Variants in EBF2 observed in about 807,000 individuals in gnomAD.
EBF2 encodes the protein EBF transcription factor 2, also known as transcription factor COE2.
A neutral mutation model predicts 72.8 loss-of-function variants in EBF2; 21 were observed. That is an observed-to-expected ratio of 0.29 (90% CI 0.20 to 0.42). The LOEUF (loss-of-function observed/expected upper bound fraction) is 0.42, where lower values mean the gene tolerates loss of function less well. Among genes scored for constraint, EBF2 ranks in the 10% least tolerant of loss-of-function variants. EBF2 has a pLI of 1.00. For missense variants in EBF2, 637 were observed against 731.2 expected (o/e 0.87, Z 1.49); for synonymous variants, 299 against 274.2 (o/e 1.09, Z -0.89).
intron 6 of EBF2, among the ~76,000 whole-genome samples, chr8:25,941,717 C>T (rs1174303234): frequency 6.6e-6 from 1 of 152,156 alleles, no homozygotes; most frequent in East Asian, 1.9e-4. Flanking sequence ...AGTCCTGGAC[C>T]ACTGGCTGCT....
intron 6 of EBF2, among the ~76,000 whole-genome samples, chr8:25,936,024 G>T (rs1043572254): frequency 4.6e-5 from 7 of 152,154 alleles, no homozygotes; most frequent in Admixed American, 1.3e-4. Flanking sequence ...AAACTTCTGC[G>T]CATTAGGAGC....
chr8:25,862,894 A>C (rs1289694398), intron 10 of EBF2, 97 bp from the exon 11 acceptor site: 16 of 740,870 alleles, frequency 2.2e-5, no homozygotes, highest in Non-Finnish European at 2.8e-5. Context: ...TTCTGGATGC[A>C]TAATGGATGT....
chr8:25,998,570 G>C (rs1190258265), intron 6 of EBF2, among the ~76,000 whole-genome samples: 1 of 152,164 alleles, frequency 6.6e-6, no homozygotes, highest in African/African-American at 2.4e-5. Flanking sequence ...CAGTGGTGAC[G>C]TTCTGCTTTC....
intron 8 of EBF2, 32 bp downstream of exon 8, chr8:25,889,718 ATG>A: frequency 6.6e-7 from 1 of 1,517,892 alleles, no homozygotes. Flanking sequence ...GGAGAATTTC[ATG>A]TGTCTGCTAT....
At chr8:25,865,636 A>T (rs7011125) in intron 10 of EBF2, among the ~76,000 whole-genome samples, 3,709 of 151,896 alleles carry the variant, frequency 0.024, 154 homozygotes, top group African/African-American at 0.084. Flanking sequence ...CCTGTTGCCC[A>T]GGCTGGTCTC....
intron 6 of EBF2, among the ~76,000 whole-genome samples, chr8:25,936,245 T>A (rs185329906): frequency 1.3e-5 from 2 of 152,256 alleles, no homozygotes; most frequent in Non-Finnish European, 2.9e-5. Context: ...TTGCTGAATT[T>A]ATCTTTGGCT....
chr8:26,018,068 A>G (rs1805141295), intron 6 of EBF2, among the ~76,000 whole-genome samples: 1 of 152,094 alleles, frequency 6.6e-6, no homozygotes, highest in Non-Finnish European at 1.5e-5. Flanking sequence ...CAAAGATTCA[A>G]ACAAGGATCC....
intron 10 of EBF2, among the ~76,000 whole-genome samples, chr8:25,872,883 T>A (rs1802464048): frequency 6.6e-6 from 1 of 152,168 alleles, no homozygotes; most frequent in Non-Finnish European, 1.5e-5. Context: ...CAATCTGGCT[T>A]TGGGAGGAAT....
intron 6 of EBF2, among the ~76,000 whole-genome samples, chr8:25,939,953 T>A (rs1803642300): frequency 6.6e-6 from 1 of 152,142 alleles, no homozygotes; most frequent in South Asian, 2.1e-4. Context: ...GATTTCCCCA[T>A]CATGATAAAG....
intron 6 of EBF2, among the ~76,000 whole-genome samples, chr8:25,984,982 G>A (rs993264738): frequency 6.6e-6 from 1 of 151,824 alleles, no homozygotes; most frequent in Non-Finnish European, 1.5e-5. Flanking sequence ...AAAGGAAAAG[G>A]TATCTTTCTT....
chr8:26,016,331 A>G (rs1018844438), intron 6 of EBF2, among the ~76,000 whole-genome samples: 5 of 152,254 alleles, frequency 3.3e-5, no homozygotes, highest in Non-Finnish European at 7.3e-5. Context: ...AGATATCAGC[A>G]AAGTTAATTC....
intron 6 of EBF2, among the ~76,000 whole-genome samples, chr8:25,964,300 A>C (rs900359753): frequency 6.6e-6 from 1 of 152,206 alleles, no homozygotes; most frequent in Non-Finnish European, 1.5e-5. Flanking sequence ...ATCATATCTA[A>C]ACTGTCCTGG....
Position 26,042,251 on chromosome 8 carries a change from G to T in EBF2, c.132C>A (p.Ser44Arg). The change falls in exon 2 of 16, where the codon AGC becomes AGA. Residue 44 changes from serine (S) to arginine (R), a missense_variant and splice_region_variant. Physicochemically the swap from Ser to Arg is moderately radical, Grantham distance 110. Around this residue, in one of 3 missense-constraint regions of EBF2, gnomAD observed 174 missense variants for 161.9 expected, o/e 1.07. Coordinates refer to ENST00000520164, the MANE Select transcript of EBF2 (RefSeq NM_022659.4). ...GVVDANVAAQ[S>R]GVALSRAHFE... ...AGTGGGCCCGGGACAGGGCGACCCC[G>T]CTGCACAGGGAGAAAAACGGGGGAA... 2 of 1,611,818 alleles carry T rather than the reference G, an allele frequency of 1.2e-6. No homozygotes were observed. Among genetic ancestry groups the T allele is most frequent in the South Asian group, 1.1e-5 (1 of 90,874 alleles).
rs867467600 is a variant in EBF2, at chr8:26,040,531, G to A, written c.408+85C>T. 6.5e-5 allele frequency: 85 copies of A among 1,303,862 alleles called. No individual in the cohort carries two copies. In the Middle Eastern group the frequency reaches 1.9e-3, roughly 29 times the overall value. 80.8% of individuals were successfully genotyped at this position (1,303,862 alleles called of 1,614,324 possible). Reference sequence around the variant, plus strand: ...GGAGTCTGACCCAGGAAATCGTGGAGGAGGGGCAGGTCAGAAACAAACTGG... The same window carrying A: ...GGAGTCTGACCCAGGAAATCGTGGAAGAGGGGCAGGTCAGAAACAAACTGG... On this transcript the variant is annotated intron_variant, in intron 4 of 15. Coordinates refer to ENST00000520164, the MANE Select transcript of EBF2 (RefSeq NM_022659.4).
At chr8:25,919,017 C>A (rs1473624158) in intron 6 of EBF2, among the ~76,000 whole-genome samples, 1 of 152,052 alleles carries the variant, frequency 6.6e-6, no homozygotes, top group Non-Finnish European at 1.5e-5. Context: ...GCCAAAAACA[C>A]CCGAGATCCA....
At chr8:25,944,577 TA>T (rs1306293486) in intron 6 of EBF2, among the ~76,000 whole-genome samples, 1 of 148,800 alleles carries the variant, frequency 6.7e-6, no homozygotes, top group African/African-American at 2.4e-5. Context: ...ATATTGAATA[TA>T]TTACAATATT....
chr8:25,918,920 A>T (rs1043447288), intron 6 of EBF2, among the ~76,000 whole-genome samples: 8 of 152,220 alleles, frequency 5.3e-5, no homozygotes, highest in African/African-American at 1.9e-4. Context: ...AATGATATTA[A>T]CACTCCACTG....
chr8:25,846,075 T>C (rs1585253828), intron 15 of EBF2, among the ~76,000 whole-genome samples: 1 of 152,312 alleles, frequency 6.6e-6, no homozygotes, highest in African/African-American at 2.4e-5. Flanking sequence ...TGGATTAAGG[T>C]CTTACACAGC....
chr8:26,031,039 G>A (rs574499147), intron 6 of EBF2, among the ~76,000 whole-genome samples: 1 of 152,312 alleles, frequency 6.6e-6, no homozygotes, highest in East Asian at 1.9e-4. Flanking sequence ...TTAGTGCAGA[G>A]CCATTAAGGT....
Sources: allele counts gnomAD v4.1 joint callset (sites outside exome capture counted in the v4.1 genomes callset), GRCh38; gene constraint gnomAD v4.1.1; regional missense constraint gnomAD v4.1.1; transcripts MANE v1.5; gene names NCBI Gene and HGNC (gene_info 2026-07-23, HGNC 2026-07-21).